The following ATP2B4 variants were observed in gnomAD, a reference collection of about 807,000 sequenced individuals.
The protein encoded by ATP2B4 is plasma membrane calcium-transporting ATPase 4.
A neutral mutation model predicts 110.3 loss-of-function variants in ATP2B4; 39 were observed. The observed-to-expected ratio is 0.35, with a 90% CI of 0.27 to 0.46. The LOEUF (loss-of-function observed/expected upper bound fraction) is 0.46, where lower values mean the gene tolerates loss of function less well. Among genes scored for constraint, ATP2B4 ranks in the 20% least tolerant of loss-of-function variants. ATP2B4 has a pLI of 1.00. For synonymous variants in ATP2B4, 538 were observed against 571.7 expected (o/e 0.94, Z 0.84); for missense variants, 1,135 against 1,530.9 (o/e 0.74, Z 4.32).
intron 1 of ATP2B4, chr1:203,657,880 T>C: frequency 3.2e-6 from 1 of 316,718 alleles, no homozygotes; most frequent in Non-Finnish European, 5.8e-6. Context: ...TTAAAAATAT[T>C]TGTAGTAGAG....
chr1:203,688,240 TC>T, intron 2 of ATP2B4, among the ~76,000 whole-genome samples: 1 of 151,956 alleles, frequency 6.6e-6, no homozygotes, highest in Admixed American at 6.6e-5. Flanking sequence ...TACCTCAGCC[TC>T]CCGAAGTGCT....
intron 2 of ATP2B4, among the ~76,000 whole-genome samples, chr1:203,683,811 C>A (rs754518728): frequency 1.3e-4 from 20 of 151,534 alleles, no homozygotes; most frequent in Non-Finnish European, 2.4e-4. Context: ...GTAGCTAGGA[C>A]CACAGGTGTG....
intron 1 of ATP2B4, among the ~76,000 whole-genome samples, chr1:203,631,305 A>G (rs1456727519): frequency 2.0e-5 from 3 of 152,234 alleles, no homozygotes; most frequent in Non-Finnish European, 4.4e-5. Context: ...CCTCAGCCTC[A>G]TTACTCACCT....
chr1:203,664,269 T>G lies in ATP2B4; in HGVS notation c.-464-18473T>G, dbSNP rs115350278. 4.5e-3 allele frequency among the ~76,000 whole-genome samples: 691 copies of G among 152,190 alleles called. 6 individuals are homozygous for G. The highest frequency in any genetic ancestry group is 0.016 in the African/African-American group (646 of 41,504). ...GCAAAAATTAGAGATTCTGGAGAAG[T>G]CTGGGAATGGGGAGTACCAATGTCC... On this transcript the variant is annotated intron_variant, in intron 1 of 20. Coordinates refer to ENST00000357681, the MANE Select transcript of ATP2B4 (RefSeq NM_001684.5).
chr1:203,663,808 T>C (rs894961068), intron 1 of ATP2B4, among the ~76,000 whole-genome samples: 1 of 152,256 alleles, frequency 6.6e-6, no homozygotes, highest in East Asian at 1.9e-4. Flanking sequence ...CTCACTGTAT[T>C]GCCCAGGCTG....
chr1:203,683,109 G>T lies in ATP2B4; in HGVS notation c.-97G>T. ...CACTGGGCCCCCAGAGAAGCAAGAA[G>T]TAGGAAGAAGTTGAGACAGGGAGGC... On this transcript the variant is annotated 5_prime_UTR_variant, in exon 2 of 21. Transcript: ENST00000357681. 7.1e-7 allele frequency: 1 copy of T among 1,401,694 alleles called. No individual in the cohort carries two copies. The highest frequency in any genetic ancestry group is 9.7e-7 in the Non-Finnish European group (1 of 1,030,392). The allele number at this position is 1,401,694 out of a possible 1,614,324, so 86.8% of individuals were successfully genotyped here.
intron 1 of ATP2B4, among the ~76,000 whole-genome samples, chr1:203,676,837 A>C (rs1157178626): frequency 6.6e-6 from 1 of 151,946 alleles, no homozygotes; most frequent in Non-Finnish European, 1.5e-5. Flanking sequence ...AGGGGAGGAC[A>C]AGGGGGAAGG....
Position 203,629,873 on chromosome 1 carries a change from T to C in ATP2B4, c.-465+2654T>C, listed in dbSNP as rs920094450. On this transcript the variant is annotated intron_variant, in intron 1 of 20. Transcript: ENST00000357681. This position sits in a 1 kb window ranked among gnomAD's most constrained non-coding sequence, Gnocchi z 4.6. ...GCGCCCAGCACGGAGCCTGGGATGT[T>C]AGAGCGCTGGGTCAAGGCATGTTGA... Among the ~76,000 whole-genome samples the C allele has an allele frequency of 2.0e-5, 3 of 152,242 alleles. No homozygotes were observed. The highest frequency in any genetic ancestry group is 7.2e-5 in the African/African-American group (3 of 41,560).
intron 20 of ATP2B4, among the ~76,000 whole-genome samples, chr1:203,730,999 C>G (rs892654806): frequency 6.6e-6 from 1 of 152,202 alleles, no homozygotes; most frequent in African/African-American, 2.4e-5. Context: ...TGTTGTCATT[C>G]TCATCGCAGT....
chr1:203,733,959 T>C (rs528760185), intron 20 of ATP2B4, among the ~76,000 whole-genome samples: 109 of 152,334 alleles, frequency 7.2e-4, no homozygotes, highest in African/African-American at 2.6e-3. Flanking sequence ...ACTTGGTCAA[T>C]AATAATAGTC....
At chr1:203,687,189 A>G (rs974706966) in intron 2 of ATP2B4, among the ~76,000 whole-genome samples, 1 of 151,740 alleles carries the variant, frequency 6.6e-6, no homozygotes, top group African/African-American at 2.4e-5. Context: ...TTTAGTCCCC[A>G]GTACCAACAG....
Position 203,724,074 on chromosome 1 carries a change from G to C in ATP2B4, c.3132+86G>C, listed in dbSNP as rs568784271. On this transcript the variant is annotated intron_variant, in intron 19 of 20. Coordinates refer to ENST00000357681, the MANE Select transcript of ATP2B4 (RefSeq NM_001684.5). The stretch of plus-strand genomic sequence containing the variant: ...ATGAGATGGAACAAGCAACGGTGGA[G>C]ACCCCCCAGCTCCTCATCTTCATCT... 4.4e-6 allele frequency: 5 copies of C among 1,148,436 alleles called. No homozygotes were observed. The African/African-American group carries it at 7.9e-5, about 18-fold the overall frequency. 71.1% of individuals were successfully genotyped at this position (1,148,436 alleles called of 1,614,324 possible). A position where few individuals can be genotyped will look rare whatever the true frequency, so the allele number is the denominator to read the frequency against.
At position 203,722,516 on chromosome 1, in the gene ATP2B4, C is replaced by T; in HGVS notation, c.2851C>T (p.Pro951Ser). 1 of 1,614,158 alleles carries T rather than the reference C, an allele frequency of 6.2e-7. No homozygotes were observed. Among genetic ancestry groups the T allele is most frequent in the Non-Finnish European group, 8.5e-7 (1 of 1,180,000 alleles). ...TGATATTGATAGTGGGAGGAAGGCACCTCTACATTCACCACCCAGCCAGCA... is the reference window on the plus strand; with the variant it reads ...TGATATTGATAGTGGGAGGAAGGCATCTCTACATTCACCACCCAGCCAGCA... ...FFDIDSGRKA[P>S]LHSPPSQHYT... Residue 951 changes from proline to serine, a missense_variant, in exon 18 of 21, where the codon CCT becomes TCT. Around this residue, in one of 9 missense-constraint regions of ATP2B4, gnomAD observed 155 missense variants for 186.2 expected, o/e 0.83. Transcript: ENST00000357681.
chr1:203,738,277 A>G (rs892600137), intron 20 of ATP2B4, among the ~76,000 whole-genome samples: 3 of 151,486 alleles, frequency 2.0e-5, no homozygotes, highest in African/African-American at 7.3e-5. Context: ...CGGAGCTCCA[A>G]CCCTCTCCCC....
intron 16 of ATP2B4, among the ~76,000 whole-genome samples, chr1:203,720,967 T>C (rs1463693582): frequency 6.6e-6 from 1 of 152,222 alleles, no homozygotes; most frequent in Non-Finnish European, 1.5e-5. Context: ...AGCATTTATA[T>C]GCACTATCTG....
intron 8 of ATP2B4, among the ~76,000 whole-genome samples, chr1:203,704,262 A>T (rs1319861018): frequency 6.6e-6 from 1 of 152,118 alleles, no homozygotes; most frequent in Non-Finnish European, 1.5e-5. Flanking sequence ...GGACTGGAGG[A>T]AGAAGGAAGG....
rs1002083164 is a variant in ATP2B4 at position 203,629,123 on chromosome 1, A to C, written c.-465+1904A>C. Among the ~76,000 whole-genome samples the C allele has an allele frequency of 6.6e-6, 1 of 152,142 alleles. No homozygotes were observed. Among genetic ancestry groups the C allele is most frequent in the Non-Finnish European group, 1.5e-5 (1 of 68,006 alleles). On this transcript the variant is annotated intron_variant, in intron 1 of 20. Transcript: ENST00000357681. The surrounding 1 kb of genome is among the most constrained non-coding windows in gnomAD (Gnocchi z 4.6). ...CGGGGCTGGGGATGCAACAGGAACG[A>C]TTTGATTTTCACTTTGAGGTGTTGA... is the stretch of plus-strand genomic sequence containing the variant.
chr1:203,634,467 G>A lies in ATP2B4; in HGVS notation c.-465+7248G>A, dbSNP rs1044864871. Among the ~76,000 whole-genome samples, 3 of 151,998 alleles carry A rather than the reference G, an allele frequency of 2.0e-5. No individual in the cohort carries two copies. In the East Asian group the frequency reaches 5.8e-4, roughly 29 times the overall value. On this transcript the variant is annotated intron_variant, in intron 1 of 20. Transcript: ENST00000357681. ...TTGCCTCAGCCTCCCAAAGCACCAGGATAATGGGTGAGACACAGTGCCAGA... is the reference window on the plus strand; with the variant it reads ...TTGCCTCAGCCTCCCAAAGCACCAGAATAATGGGTGAGACACAGTGCCAGA...
intron 4 of ATP2B4, 110 bp downstream of exon 4, chr1:203,699,827 C>T (rs1272817159): frequency 1.3e-6 from 2 of 1,503,294 alleles, no homozygotes; most frequent in African/African-American, 1.4e-5. Flanking sequence ...AGATAAGATC[C>T]AAAATTGTAT....
Sources: allele counts gnomAD v4.1 joint callset (sites outside exome capture counted in the v4.1 genomes callset), GRCh38; gene constraint gnomAD v4.1.1; regional missense constraint gnomAD v4.1.1; non-coding constraint Gnocchi (gnomAD v3.1); transcripts MANE v1.5; gene names NCBI Gene and HGNC (gene_info 2026-07-23, HGNC 2026-07-21).